The following ZNF536 variants were observed in gnomAD, a reference collection of about 807,000 sequenced individuals.
ZNF536 encodes the protein zinc finger protein 536.
Under a neutral mutation model 84.5 loss-of-function variants are expected in ZNF536, and 13 were observed. That is an observed-to-expected ratio of 0.15 (90% CI 0.10 to 0.24). ZNF536 has a LOEUF of 0.24. ZNF536 is among the 10% of genes least tolerant of loss of function. The probability of loss-of-function intolerance (pLI) is 1.00; values close to 1 mark genes in which losing one functional copy is unlikely to be tolerated. For missense variants in ZNF536, 1,536 were observed against 1,747.5 expected (o/e 0.88, Z 2.16); for synonymous variants, 811 against 742.5 (o/e 1.09, Z -1.50).
At chr19:30,406,444 C>T (rs543558687) in intron 1 of ZNF536, among the ~76,000 whole-genome samples, 2 of 152,090 alleles carry the variant, frequency 1.3e-5, no homozygotes, top group Non-Finnish European at 2.9e-5. Context: ...TACTCCAGGC[C>T]AACAGGGATT....
intron 2 of ZNF536, among the ~76,000 whole-genome samples, chr19:30,308,485 C>A (rs931372183): frequency 3.9e-5 from 6 of 152,078 alleles, no homozygotes; most frequent in African/African-American, 1.4e-4. Context: ...AGCTGGCACT[C>A]AACTCTAGCT....
intron 1 of ZNF536, among the ~76,000 whole-genome samples, chr19:30,396,736 C>G (rs911456697): frequency 6.6e-6 from 1 of 152,014 alleles, no homozygotes; most frequent in African/African-American, 2.4e-5. Flanking sequence ...TCCCGAGTAG[C>G]TGAGATTACA....
At chr19:30,348,526 G>C (rs367807624) in intron 2 of ZNF536, among the ~76,000 whole-genome samples, 1 of 152,184 alleles carries the variant, frequency 6.6e-6, no homozygotes, top group Non-Finnish European at 1.5e-5. Flanking sequence ...CCCTCAACAA[G>C]TCTTCCTGTG....
chr19:30,309,241 C>G (rs1041072745), intron 2 of ZNF536, among the ~76,000 whole-genome samples: 3 of 152,186 alleles, frequency 2.0e-5, no homozygotes, highest in African/African-American at 4.8e-5. Context: ...TCTGATAACA[C>G]ATTTTAGCTG....
At chr19:30,637,710 C>T (rs1045504409) in intron 1 of ZNF536, among the ~76,000 whole-genome samples, 3 of 152,152 alleles carry the variant, frequency 2.0e-5, no homozygotes. Context: ...TCTAGAGCAT[C>T]ACCCCTTTTT....
At chr19:30,380,775 T>G (rs2048992448) in intron 1 of ZNF536, among the ~76,000 whole-genome samples, 1 of 152,198 alleles carries the variant, frequency 6.6e-6, no homozygotes, top group Non-Finnish European at 1.5e-5. Context: ...TCTGGCTGCT[T>G]CTCAGCAAGG....
At chr19:30,283,579 C>T (rs2045527731) in intron 1 of ZNF536, among the ~76,000 whole-genome samples, 1 of 152,210 alleles carries the variant, frequency 6.6e-6, no homozygotes, top group Admixed American at 6.5e-5. Flanking sequence ...ATTCTGTATC[C>T]ACTGGCTACC....
In ZNF536 at chr19:30,489,345, C is replaced by T. The variant is rs527305053; in HGVS notation, c.2170+43613C>T. On this transcript the variant is annotated intron_variant, in intron 2 of 4. Coordinates refer to ENST00000355537, the MANE Select transcript of ZNF536 (RefSeq NM_014717.3). The stretch of plus-strand genomic sequence containing the variant: ...TTGCAGTCCCAACACTTTGGGAGGC[C>T]GAGGAGGGAGGATTCCTTGAGACCA... 6.9e-4 allele frequency among the ~76,000 whole-genome samples: 105 copies of T among 152,158 alleles called. 1 individual carries two copies. Among genetic ancestry groups the T allele is most frequent in the African/African-American group, 2.4e-3 (98 of 41,522 alleles).
intron 3 of ZNF536, among the ~76,000 whole-genome samples, chr19:30,355,709 G>A (rs1421739624): frequency 6.6e-6 from 1 of 152,082 alleles, no homozygotes; most frequent in Non-Finnish European, 1.5e-5. Context: ...GAGCTGAGCT[G>A]CAGGTGATTG....
chr19:30,452,225 T>G (rs1396321570), intron 2 of ZNF536, among the ~76,000 whole-genome samples: 1 of 152,238 alleles, frequency 6.6e-6, no homozygotes, highest in East Asian at 1.9e-4. Context: ...CAGGGGCCAC[T>G]TCTGCAGAGC....
rs139407129 is a variant in ZNF536, at chr19:30,385,818, G to C, written c.-3+13262G>C. On this transcript the variant is annotated intron_variant, in intron 1 of 4. Coordinates refer to ENST00000355537, the MANE Select transcript of ZNF536 (RefSeq NM_014717.3). ...CTTCTGAAATCTGCATGTGCGCACT[G>C]CCTGGAGGTCCCTTCAGTGATGCTG... Among the ~76,000 whole-genome samples the C allele has an allele frequency of 5.2e-3, 788 of 152,310 alleles. 11 individuals carry two copies. The highest frequency in any genetic ancestry group is 0.018 in the African/African-American group (728 of 41,556).
intron 2 of ZNF536, among the ~76,000 whole-genome samples, chr19:30,486,157 T>C (rs992425010): frequency 1.3e-5 from 2 of 152,188 alleles, no homozygotes; most frequent in Non-Finnish European, 2.9e-5. Context: ...GTTACATAGG[T>C]AAACATGTGC....
At chr19:30,265,481 C>T (rs1216686726) in intron 1 of ZNF536, among the ~76,000 whole-genome samples, 1 of 152,146 alleles carries the variant, frequency 6.6e-6, no homozygotes, top group Admixed American at 6.5e-5. Context: ...TCTTGTGTGT[C>T]CTACTGTGTG....
intron 2 of ZNF536, among the ~76,000 whole-genome samples, chr19:30,308,816 CCCAAGTGGAGCA>C (rs754050461): frequency 6.6e-6 from 1 of 152,156 alleles, no homozygotes; most frequent in Non-Finnish European, 1.5e-5. Flanking sequence ...AGGCTATGTT[CCCAAGTGGAGCA>C]CCATGATTTC....
chr19:30,521,701 G>T (rs1185865083), intron 2 of ZNF536, among the ~76,000 whole-genome samples: 2 of 152,130 alleles, frequency 1.3e-5, no homozygotes, highest in African/African-American at 2.4e-5. Context: ...CACTTTACAG[G>T]CTAGAAGGAA....
chr19:30,673,088 T>G (rs1446177583), intron 1 of ZNF536, among the ~76,000 whole-genome samples: 1 of 152,150 alleles, frequency 6.6e-6, no homozygotes, highest in African/African-American at 2.4e-5. Flanking sequence ...CCCAGGGGAA[T>G]GGGTGAGGAC....
chr19:30,342,378 A>G (rs2047592283), intron 2 of ZNF536, among the ~76,000 whole-genome samples: 2 of 152,204 alleles, frequency 1.3e-5, no homozygotes, highest in African/African-American at 4.8e-5. Context: ...CACAACTGCT[A>G]TCTTTAAAAA....
At position 30,443,645 on chromosome 19, in the gene ZNF536, G is replaced by T; in HGVS notation, c.83G>T (p.Gly28Val). The change falls in exon 2 of 5, where the codon GGC (glycine) becomes GTC (valine). Residue 28 changes from glycine (G) to valine (V), a missense_variant. Physicochemically the swap from Gly to Val is moderately radical, Grantham distance 109. This residue lies in a region of ZNF536 where 161 missense variants were observed against 178.5 expected (regional missense o/e 0.90). Coordinates refer to ENST00000355537, the MANE Select transcript of ZNF536 (RefSeq NM_014717.3). ...CACCTGAGTGGCCCCGTCCTCAACGGCCAGTATGCCATGAGTCAGAAGCTG... is the reference window on the plus strand; with the variant it reads ...CACCTGAGTGGCCCCGTCCTCAACGTCCAGTATGCCATGAGTCAGAAGCTG... ...EPHLSGPVLN[G>V]QYAMSQKLHQ... 6.2e-7 allele frequency: 1 copy of T among 1,613,110 alleles called. No individual in the cohort carries two copies. The highest frequency in any genetic ancestry group is 8.5e-7 in the Non-Finnish European group (1 of 1,179,668).
chr19:30,428,547 TGGCTGCTGAA>T (rs1470132841), intron 1 of ZNF536, among the ~76,000 whole-genome samples: 1 of 152,064 alleles, frequency 6.6e-6, no homozygotes, highest in Non-Finnish European at 1.5e-5. Context: ...GGGACCACAG[TGGCTGCTGAA>T]GGCTGCTTGC....
Sources: allele counts gnomAD v4.1 joint callset (sites outside exome capture counted in the v4.1 genomes callset), GRCh38; gene constraint gnomAD v4.1.1; regional missense constraint gnomAD v4.1.1; transcripts MANE v1.5; gene names NCBI Gene and HGNC (gene_info 2026-07-23, HGNC 2026-07-21).